Variants in RBM19 observed in about 807,000 individuals in gnomAD.
The protein encoded by RBM19 is probable RNA-binding protein 19.
A neutral mutation model predicts 116.8 loss-of-function variants in RBM19; 94 were observed. The observed-to-expected ratio is 0.80, with a 90% CI of 0.68 to 0.95. The LOEUF is 0.95. Ranked by LOEUF, RBM19 falls within the 40% of genes least tolerant of loss-of-function variation. The probability of loss-of-function intolerance (pLI) is 0.00; values close to 1 mark genes in which losing one functional copy is unlikely to be tolerated. For missense variants in RBM19, 1,161 were observed against 1,220.7 expected, an observed-to-expected ratio of 0.95 and a Z score of 0.73; for synonymous variants, 475 against 494.1, an observed-to-expected ratio of 0.96 and a Z score of 0.51.
intron 16 of RBM19, among the ~76,000 whole-genome samples, chr12:113,933,872 C>T (rs1002361202): frequency 2.6e-5 from 4 of 152,322 alleles, no homozygotes; most frequent in African/African-American, 9.6e-5. Context: ...TGGTGTCCAT[C>T]TTGATCACCC....
At chr12:113,948,132 C>G (rs1398077196) in intron 10 of RBM19, among the ~76,000 whole-genome samples, 2 of 152,222 alleles carry the variant, frequency 1.3e-5, no homozygotes, top group African/African-American at 4.8e-5. Flanking sequence ...GGGCCCACAT[C>G]AGGTGTTCAA....
chr12:113,876,819 AT>A (rs1476324163), intron 21 of RBM19, among the ~76,000 whole-genome samples: 4 of 152,202 alleles, frequency 2.6e-5, no homozygotes, highest in Non-Finnish European at 5.9e-5. Context: ...ACAATAAAAA[AT>A]GTAAGAAAAA....
intron 22 of RBM19, among the ~76,000 whole-genome samples, chr12:113,851,867 A>G (rs1461818145): frequency 6.6e-6 from 1 of 151,858 alleles, no homozygotes; most frequent in East Asian, 1.9e-4. Flanking sequence ...CCTGACCAAC[A>G]TGGAGAAACC....
chr12:113,945,023 A>C (rs1870902285), intron 13 of RBM19, among the ~76,000 whole-genome samples: 1 of 152,184 alleles, frequency 6.6e-6, no homozygotes, highest in Admixed American at 6.5e-5. Flanking sequence ...GTGTAAGTCT[A>C]GAGATCTAAT....
intron 23 of RBM19, among the ~76,000 whole-genome samples, chr12:113,841,422 C>CTTTTTTTTTTTTT (rs71089416): frequency 7.7e-6 from 1 of 130,004 alleles, no homozygotes; most frequent in East Asian, 2.2e-4. Flanking sequence ...TTTTTCTTTT[C>CTTTTTTTTTTTTT]TTTTTTTTTT....
chr12:113,857,476 A>G (rs997629019), intron 22 of RBM19, among the ~76,000 whole-genome samples: 4 of 152,226 alleles, frequency 2.6e-5, no homozygotes, highest in Non-Finnish European at 5.9e-5. Flanking sequence ...TCTGAAAGGC[A>G]GCCCTCCGCT....
intron 21 of RBM19, among the ~76,000 whole-genome samples, chr12:113,860,264 T>G (rs1179304145): frequency 6.6e-6 from 1 of 151,882 alleles, no homozygotes; most frequent in Non-Finnish European, 1.5e-5. Flanking sequence ...GCTGGGCAGG[T>G]GGGGACAAGG....
intron 20 of RBM19, among the ~76,000 whole-genome samples, chr12:113,917,245 G>C (rs1321850422): frequency 6.6e-6 from 1 of 152,222 alleles, no homozygotes; most frequent in Admixed American, 6.5e-5. Flanking sequence ...TGGCTCTCTG[G>C]AGATAGGGTA....
chr12:113,903,406 T>A lies in RBM19; in HGVS notation c.2558+11563A>T, dbSNP rs186634760. On this transcript the variant is annotated intron_variant, in intron 21 of 23. Coordinates refer to ENST00000261741, the MANE Select transcript of RBM19 (RefSeq NM_016196.4). This position sits in a 1 kb window ranked among gnomAD's most constrained non-coding sequence, Gnocchi z 5.1. ...GTATGAATACACCCCATTTTGTTTA[T>A]CCACTCATCAGCTGACAGACATCTG... 6.6e-6 allele frequency among the ~76,000 whole-genome samples: 1 copy of A among 152,242 alleles called. No individual in the cohort carries two copies. The highest frequency in any genetic ancestry group is 1.5e-5 in the Non-Finnish European group (1 of 68,044).
In RBM19 at chr12:113,957,951, G is replaced by A. The variant is rs774797332; in HGVS notation, c.671C>T (p.Ser224Leu). ...TTCATCTTCACTTTCCTCTTCCTCCGAGGAAGAGGACGACCCAGCCTTCAC... is the reference window on the plus strand; with the variant it reads ...TTCATCTTCACTTTCCTCTTCCTCCAAGGAAGAGGACGACCCAGCCTTCAC... ...KMVKAGSSSS[S>L]EEEESEDEAV... is the part of the protein sequence containing the mutation. Residue 224 changes from serine (S) to leucine (L), a missense_variant, in exon 6 of 24, where the codon TCG (serine) becomes TTG (leucine). Transcript: ENST00000261741. 9 of 1,613,986 alleles carry A rather than the reference G, an allele frequency of 5.6e-6. No homozygotes were observed. The highest frequency in any genetic ancestry group is 4.0e-5 in the African/African-American group (3 of 74,894).
chr12:113,946,865 G>T (rs191401311), intron 11 of RBM19, among the ~76,000 whole-genome samples: 1 of 152,356 alleles, frequency 6.6e-6, no homozygotes, highest in East Asian at 1.9e-4. Context: ...ATCAATGAAT[G>T]AATGAGAAAA....
intron 19 of RBM19, 138 bp from the exon 20 acceptor site, chr12:113,918,585 A>G: frequency 2.4e-6 from 2 of 817,570 alleles, no homozygotes; most frequent in Non-Finnish European, 1.9e-6. Context: ...GCTGGTCTAG[A>G]GGACAGAGGA....
At chr12:113,899,777 C>T (rs1183331791) in intron 21 of RBM19, among the ~76,000 whole-genome samples, 1 of 152,156 alleles carries the variant, frequency 6.6e-6, no homozygotes, top group Non-Finnish European at 1.5e-5. Flanking sequence ...AAAGAGGAAT[C>T]CCCCAAGCTG....
chr12:113,914,897 C>A (rs1462416483), intron 21 of RBM19, 72 bp downstream of exon 21: 2 of 1,344,630 alleles, frequency 1.5e-6, no homozygotes, highest in African/African-American at 2.9e-5. Flanking sequence ...GACCCAAAGG[C>A]CATCTTCCCT....
In RBM19 at chr12:113,942,394, TC is replaced by T; in HGVS notation, c.1666del (p.Glu556LysfsTer13). On this transcript the variant is annotated frameshift_variant, in exon 14 of 24. Coordinates refer to ENST00000261741, the MANE Select transcript of RBM19 (RefSeq NM_016196.4). LOFTEE classifies it high-confidence loss of function. ...GSVAVRVALG[E>X]TQLVQEVRRF... ...CCGCACTTCCTGGACGAGCTGGGTT[TC>T]CCCCAGAGCCACGCGCACGGCCACG... The T allele has an allele frequency of 1.2e-6, 2 of 1,609,440 alleles. No individual in the cohort carries two copies.
At chr12:113,826,376 A>G (rs1874857287) in intron 23 of RBM19, among the ~76,000 whole-genome samples, 1 of 152,218 alleles carries the variant, frequency 6.6e-6, no homozygotes, top group Non-Finnish European at 1.5e-5. Context: ...TGCCTGGCAC[A>G]TAGTAGATGC....
rs191394308 is a variant in RBM19 at position 113,882,407 on chromosome 12, A to G, written c.2559-23511T>C. Among the ~76,000 whole-genome samples the G allele has an allele frequency of 6.6e-4, 101 of 152,338 alleles. 1 individual carries two copies. Among genetic ancestry groups the G allele is most frequent in the African/African-American group, 2.2e-3 (91 of 41,582 alleles). On this transcript the variant is annotated intron_variant, in intron 21 of 23. Coordinates refer to ENST00000261741, the MANE Select transcript of RBM19 (RefSeq NM_016196.4). ...CCTCCATGGGAGTTCAAGGCTCTGT[A>G]AACCTTAAAGCATGATCCTAAATCA...
chr12:113,860,693 C>T (rs1878293495), intron 21 of RBM19, among the ~76,000 whole-genome samples: 2 of 152,184 alleles, frequency 1.3e-5, no homozygotes, highest in South Asian at 2.1e-4. Context: ...CTTTCCTGAC[C>T]CCTGGAGGCT....
At chr12:113,890,913 G>C (rs1398198545) in intron 21 of RBM19, among the ~76,000 whole-genome samples, 1 of 152,186 alleles carries the variant, frequency 6.6e-6, no homozygotes, top group African/African-American at 2.4e-5. Flanking sequence ...TCAGCCTTCC[G>C]AGTAGCTGGG....
Sources: gnomAD v4.1 joint callset for allele counts (sites outside exome capture counted in the v4.1 genomes callset) on GRCh38, gnomAD v4.1.1 for gene constraint, Gnocchi (gnomAD v3.1) non-coding constraint, MANE v1.5 for transcripts, NCBI Gene and HGNC (gene_info 2026-07-23, HGNC 2026-07-21) for gene names.